The following CILP2 variants were observed in gnomAD, a reference collection of about 807,000 sequenced individuals.
The protein encoded by CILP2 is CILP-2.
A neutral mutation model predicts 45.6 loss-of-function variants in CILP2; 38 were observed. The ratio of observed to expected loss-of-function variants is 0.83; its 90% CI spans 0.64 to 1.09. The LOEUF (loss-of-function observed/expected upper bound fraction) is 1.09, where lower values mean the gene tolerates loss of function less well. Ranked by LOEUF, CILP2 falls within the 50% of genes least tolerant of loss-of-function variation. The pLI is 0.00. For missense variants in CILP2, 1,735 were observed against 1,662.2 expected (o/e 1.04, Z -0.76); for synonymous variants, 780 against 723.5 (o/e 1.08, Z -1.25).
In CILP2 at chr19:19,545,989, C is replaced by T. The variant is rs1464506921; in HGVS notation, c.3444C>T (p.Arg1148=). ...QAQARASGPL[R]TRRGRVRQ ...AGGCCCGGGCCTCAGGTCCCCTCCG[C>T]ACCCGCCGGGGTAGGGTCCGGCAGT... The change falls in exon 8 of 8, where the codon CGC becomes CGT. Residue 1148 remains arginine (R), a synonymous_variant. Transcript: ENST00000291495. The T allele has an allele frequency of 2.0e-6, 3 of 1,507,484 alleles. No homozygotes were observed. Among genetic ancestry groups the T allele is most frequent in the Non-Finnish European group, 2.7e-6 (3 of 1,127,570 alleles). The allele number at this position is 1,507,484 out of a possible 1,614,324, so 93.4% of individuals were successfully genotyped here. A position where few individuals can be genotyped will look rare whatever the true frequency, so the allele number is the denominator to read the frequency against.
Position 19,543,800 on chromosome 19 carries a change from C to G in CILP2, c.1255C>G (p.Arg419Gly), listed in dbSNP as rs1413063870. Residue 419 changes from arginine (R) to glycine (G), a missense_variant, in exon 8 of 8, where the codon CGC becomes GGC. Coordinates refer to ENST00000291495, the MANE Select transcript of CILP2 (RefSeq NM_153221.2). ...GGATGTGGGCCTCTGTCCCGACACC[C>G]GCTGCCCCAGCCTGGCAGGCTCCAG... is the stretch of plus-strand genomic sequence containing the variant. ...YLDVGLCPDT[R>G]CPSLAGSSPR... 17 of 1,613,886 alleles carry G rather than the reference C, an allele frequency of 1.1e-5. No homozygotes were observed. The highest frequency in any genetic ancestry group is 1.4e-5 in the Non-Finnish European group (17 of 1,179,938).
chr19:19,544,430 G>A lies in CILP2; in HGVS notation c.1885G>A (p.Asp629Asn), dbSNP rs1444363961. Residue 629 changes from aspartate (D) to asparagine (N), a missense_variant, in exon 8 of 8, where the codon GAC becomes AAC. Physicochemically the swap from Asp to Asn is conservative, Grantham distance 23 (BLOSUM62 1). Transcript: ENST00000291495. ...TGCCCCCAGTGACCTGCGCTTCGTG[G>A]ACAGCGACGGCGAGCTGGCTCCACT... is the stretch of plus-strand genomic sequence containing the variant. Reference protein sequence around the residue: ...ASAPSDLRFVDSDGELAPLRT... With the variant: ...ASAPSDLRFVNSDGELAPLRT... 3.7e-6 allele frequency: 6 copies of A among 1,610,178 alleles called. No homozygotes were observed. In the South Asian group the frequency reaches 6.6e-5, roughly 18 times the overall value.
At position 19,541,295 on chromosome 19, in the gene CILP2, G is replaced by A. The variant is rs2061242924; in HGVS notation, c.592+49G>A. ...CTGGGACCTGTACAGAGGGGAGGAA[G>A]GGGAGGTTAGGGGCTGAGCCTGGGA... On this transcript the variant is annotated intron_variant, in intron 4 of 7. Coordinates refer to ENST00000291495, the MANE Select transcript of CILP2 (RefSeq NM_153221.2). 2.4e-6 allele frequency: 3 copies of A among 1,251,122 alleles called. No individual in the cohort carries two copies. The South Asian group carries it at 1.0e-4, about 43-fold the overall frequency. 77.5% of individuals were successfully genotyped at this position (1,251,122 alleles called of 1,614,324 possible).
At chr19:19,541,738 G>A (rs2061245186) in intron 4 of CILP2, among the ~76,000 whole-genome samples, 1 of 152,132 alleles carries the variant, frequency 6.6e-6, no homozygotes, top group Non-Finnish European at 1.5e-5. Context: ...ACAGACACCC[G>A]CTCACAGCCT....
Position 19,545,896 on chromosome 19 carries a change from G to A in CILP2, c.3351G>A (p.Arg1117=), listed in dbSNP as rs2061263884. ...PPAGRPSLFQ[R]LLESPATALG... ...CCGGACGACCCAGCCTCTTCCAGAGGCTGCTGGAGTCCCCGGCGACAGCAC... is the reference window on the plus strand; with the variant it reads ...CCGGACGACCCAGCCTCTTCCAGAGACTGCTGGAGTCCCCGGCGACAGCAC... The change falls in exon 8 of 8, where the codon AGG becomes AGA. Residue 1117 remains arginine, a synonymous_variant. Coordinates refer to ENST00000291495, the MANE Select transcript of CILP2 (RefSeq NM_153221.2). 2 of 1,584,480 alleles carry A rather than the reference G, an allele frequency of 1.3e-6. No individual in the cohort carries two copies. The highest frequency in any genetic ancestry group is 1.3e-5 in the African/African-American group (1 of 74,180).
At position 19,545,427 on chromosome 19, in the gene CILP2, G is replaced by A. The variant is rs2061261227; in HGVS notation, c.2882G>A (p.Ser961Asn). 1.2e-6 allele frequency: 2 copies of A among 1,612,540 alleles called. No homozygotes were observed. The highest frequency in any genetic ancestry group is 1.3e-5 in the African/African-American group (1 of 75,066). ...GTCCGCTCCCACAACGCAGGGGGCA[G>A]CCACCCACGCACCCGCGGCCAGCTC... Reference protein sequence around the residue: ...YMVRSHNAGGSHPRTRGQLYG... With the variant: ...YMVRSHNAGGNHPRTRGQLYG... Residue 961 changes from serine to asparagine, a missense_variant, in exon 8 of 8, where the codon AGC (serine) becomes AAC (asparagine). Coordinates refer to ENST00000291495, the MANE Select transcript of CILP2 (RefSeq NM_153221.2).
At chr19:19,540,785 G>C in intron 3 of CILP2, 1 of 450,486 alleles carries the variant, frequency 2.2e-6, no homozygotes, top group East Asian at 3.5e-5. Context: ...TTGAGCATCT[G>C]TAAGAGCTCA....
intron 3 of CILP2, 156 bp downstream of exon 3, chr19:19,540,632 T>A (rs1233089627): frequency 2.3e-6 from 2 of 877,442 alleles, no homozygotes; most frequent in Non-Finnish European, 3.2e-6. Context: ...TAGGACGACG[T>A]CAGGGGGCGG....
chr19:19,538,678 C>G (rs1175699877), intron 1 of CILP2, among the ~76,000 whole-genome samples: 2 of 152,220 alleles, frequency 1.3e-5, no homozygotes, highest in Non-Finnish European at 2.9e-5. Context: ...GCCAGGTCTC[C>G]CACCCTGGAC....
chr19:19,544,240 C>G lies in CILP2; in HGVS notation c.1695C>G (p.Ser565Arg), dbSNP rs760265039. ...RKKAPVILHT[S>R]QSNTIPLGEL... ...AAGCCCCGGTCATTTTACATACCAG[C>G]CAGAGCAACACGATCCCCCTGGGCG... Residue 565 changes from serine (S) to arginine (R), a missense_variant, in exon 8 of 8, where the codon AGC (serine) becomes AGG (arginine). By Grantham distance (110) the Ser-to-Arg change is moderately radical. Coordinates refer to ENST00000291495, the MANE Select transcript of CILP2 (RefSeq NM_153221.2). 6.2e-7 allele frequency: 1 copy of G among 1,613,794 alleles called. No individual in the cohort carries two copies. Among genetic ancestry groups the G allele is most frequent in the Middle Eastern group, 1.6e-4 (1 of 6,062 alleles).
rs1278440115 is a variant in CILP2 at position 19,541,098 on chromosome 19, G to A, written c.444G>A (p.Ser148=). Residue 148 remains serine (S), a synonymous_variant, in exon 4 of 8, where the codon TCG becomes TCA. Transcript: ENST00000291495. Reference sequence around the variant, plus strand: ...CGTCCCTGCCTTCCGCAGAAGCCTCGTGGGGCGCGTGGGGCCCGTGGGGTC... The same window carrying A: ...CGTCCCTGCCTTCCGCAGAAGCCTCATGGGGCGCGTGGGGCCCGTGGGGTC... The part of the protein sequence containing the change: ...HVRFRCPLEA[S]WGAWGPWGPC... 1.6e-6 allele frequency: 2 copies of A among 1,261,574 alleles called. No homozygotes were observed. The highest frequency in any genetic ancestry group is 3.0e-5 in the East Asian group (1 of 33,304). The allele number at this position is 1,261,574 out of a possible 1,614,324, so 78.1% of individuals were successfully genotyped here.
At chr19:19,542,089 A>G (rs1286492228) in intron 4 of CILP2, among the ~76,000 whole-genome samples, 1 of 152,166 alleles carries the variant, frequency 6.6e-6, no homozygotes, top group Non-Finnish European at 1.5e-5. Context: ...TTCTGCTGGA[A>G]AGGGCAGTGC....
In CILP2 at chr19:19,545,839, A is replaced by G. The variant is rs1259962466; in HGVS notation, c.3294A>G (p.Thr1098=). 1 of 1,584,760 alleles carries G rather than the reference A, an allele frequency of 6.3e-7. No homozygotes were observed. Among genetic ancestry groups the G allele is most frequent in the Admixed American group, 1.7e-5 (1 of 57,720 alleles). The part of the protein sequence containing the change: ...FSREMKADAG[T]AVTFQCREPP... Reference sequence around the variant, plus strand: ...GAGAGATGAAGGCTGATGCCGGCACAGCCGTCACCTTCCAGTGCCGGGAGC... The same window carrying G: ...GAGAGATGAAGGCTGATGCCGGCACGGCCGTCACCTTCCAGTGCCGGGAGC... The change falls in exon 8 of 8, where the codon ACA becomes ACG. Residue 1098 remains threonine (T), a synonymous_variant. Coordinates refer to ENST00000291495, the MANE Select transcript of CILP2 (RefSeq NM_153221.2).
At chr19:19,541,817 G>A (rs1023509652) in intron 4 of CILP2, among the ~76,000 whole-genome samples, 2 of 152,204 alleles carry the variant, frequency 1.3e-5, no homozygotes, top group African/African-American at 2.4e-5. Flanking sequence ...TGGAAATTCC[G>A]CTAGCGCCTG....
Position 19,545,274 on chromosome 19 carries a change from A to T in CILP2, c.2729A>T (p.Asn910Ile). ...GTGGAGGCGGACAAGTACGAGTACA[A>T]CGTGGTCCCCTTCCGAGAGGGCACA... ...ARVEADKYEY[N>I]VVPFREGTPA... Residue 910 changes from asparagine to isoleucine, a missense_variant, in exon 8 of 8, where the codon AAC becomes ATC. Coordinates refer to ENST00000291495, the MANE Select transcript of CILP2 (RefSeq NM_153221.2). The T allele has an allele frequency of 4.3e-6, 7 of 1,612,940 alleles. No individual in the cohort carries two copies. Among genetic ancestry groups the T allele is most frequent in the Non-Finnish European group, 5.9e-6 (7 of 1,179,924 alleles).
Position 19,542,371 on chromosome 19 carries a change from C to T in CILP2, c.593-4C>T. The T allele has an allele frequency of 6.2e-7, 1 of 1,607,580 alleles. No homozygotes were observed. The highest frequency in any genetic ancestry group is 8.5e-7 in the Non-Finnish European group (1 of 1,176,768). ...TGTCCTGCTTCCTCTCCATATCCCC[C>T]CAGGGTGCAGCCTTGACACCTGTGA... On this transcript the variant is annotated splice_region_variant and splice_polypyrimidine_tract_variant and intron_variant, in intron 4 of 7. Coordinates refer to ENST00000291495, the MANE Select transcript of CILP2 (RefSeq NM_153221.2).
Position 19,545,238 on chromosome 19 carries a change from G to A in CILP2, c.2693G>A (p.Arg898His), listed in dbSNP as rs373437234. The stretch of plus-strand genomic sequence containing the variant: ...GCCCCGGTGACTGCCAGCCACTTCC[G>A]CTTCGCCAGGGTGGAGGCGGACAAG... ...QGAPVTASHF[R>H]FARVEADKYE... The change falls in exon 8 of 8, where the codon CGC (arginine) becomes CAC (histidine). Residue 898 changes from arginine (R) to histidine (H), a missense_variant. Coordinates refer to ENST00000291495, the MANE Select transcript of CILP2 (RefSeq NM_153221.2). 1.1e-5 allele frequency: 17 copies of A among 1,612,218 alleles called. No individual in the cohort carries two copies. Among genetic ancestry groups the A allele is most frequent in the Non-Finnish European group, 1.4e-5 (16 of 1,179,500 alleles).
At position 19,543,399 on chromosome 19, in the gene CILP2, G is replaced by A. The variant is rs752462258; in HGVS notation, c.1129G>A (p.Val377Ile). The A allele has an allele frequency of 1.2e-6, 2 of 1,613,178 alleles. No homozygotes were observed. The highest frequency in any genetic ancestry group is 2.2e-5 in the East Asian group (1 of 44,878). ...AVRSGTARLTVLAPGQPACDP... is the reference protein window; with the variant it reads ...AVRSGTARLTILAPGQPACDP... ...GCGCTCGGGCACTGCCCGGCTCACT[G>A]TACTTGGTGAGTGTCCTTGGCCACA... Residue 377 changes from valine (V) to isoleucine (I), a missense_variant, in exon 7 of 8, where the codon GTA (valine) becomes ATA (isoleucine). Transcript: ENST00000291495.
intron 4 of CILP2, 43 bp downstream of exon 4, chr19:19,541,289 G>A: frequency 7.9e-7 from 1 of 1,264,204 alleles, no homozygotes; most frequent in East Asian, 3.0e-5. Flanking sequence ...GTACAGAGGG[G>A]AGGAAGGGGA....
Sources: allele counts gnomAD v4.1 joint callset (sites outside exome capture counted in the v4.1 genomes callset), GRCh38; gene constraint gnomAD v4.1.1; transcripts MANE v1.5; gene names NCBI Gene and HGNC (gene_info 2026-07-23, HGNC 2026-07-21).